VPS54: variants seen among roughly 807,000 people sequenced by gnomAD.
VPS54 encodes the protein vacuolar protein sorting-associated protein 54.
In VPS54, 45 loss-of-function variants were observed where a neutral mutation model predicts 121.5. The observed-to-expected ratio is 0.37, with a 90% confidence interval of 0.29 to 0.47. VPS54 has a LOEUF of 0.47. Ranked by LOEUF, VPS54 falls within the 20% of genes least tolerant of loss-of-function variation. The pLI, the probability that VPS54 is intolerant of heterozygous loss-of-function variation, is 0.99. For synonymous variants in VPS54, 371 were observed against 385.8 expected (o/e 0.96, Z 0.45); for missense variants, 1,090 against 1,131.4 (o/e 0.96, Z 0.52).
intron 11 of VPS54, among the ~76,000 whole-genome samples, chr2:63,938,537 TC>T (rs1674573561): frequency 6.6e-6 from 1 of 151,576 alleles, no homozygotes; most frequent in African/African-American, 2.4e-5. Context: ...CAATCTTGGC[TC>T]ACTGCAACCT....
chr2:63,908,725 T>C (rs760353383), intron 20 of VPS54, among the ~76,000 whole-genome samples: 133 of 152,212 alleles, frequency 8.7e-4, no homozygotes, highest in Non-Finnish European at 1.7e-3. Flanking sequence ...CAATATTTAC[T>C]AGAACTTGCT....
At chr2:63,966,041 C>G (rs1675979232) in intron 5 of VPS54, 75 bp from the exon 6 acceptor site, 2 of 1,425,500 alleles carry the variant, frequency 1.4e-6, no homozygotes, top group Non-Finnish European at 1.9e-6. Flanking sequence ...ACATCATGAT[C>G]ATTAAACAAA....
intron 11 of VPS54, among the ~76,000 whole-genome samples, chr2:63,934,527 T>C (rs1400026809): frequency 6.6e-6 from 1 of 152,186 alleles, no homozygotes; most frequent in Non-Finnish European, 1.5e-5. Context: ...TGCTGTTTCC[T>C]CTATCCGGAA....
At chr2:63,991,237 T>C (rs931034815) in intron 1 of VPS54, among the ~76,000 whole-genome samples, 13 of 152,226 alleles carry the variant, frequency 8.5e-5, no homozygotes, top group African/African-American at 3.1e-4. Flanking sequence ...TGATGAATTA[T>C]ACCCTGATTT....
chr2:64,010,050 C>G (rs1361920661), intron 1 of VPS54, among the ~76,000 whole-genome samples: 1 of 152,056 alleles, frequency 6.6e-6, no homozygotes, highest in African/African-American at 2.4e-5. Flanking sequence ...CCATGTTGGC[C>G]AGACTGGTCT....
At chr2:64,007,324 A>C (rs1326674662) in intron 1 of VPS54, among the ~76,000 whole-genome samples, 3 of 152,168 alleles carry the variant, frequency 2.0e-5, no homozygotes, top group Non-Finnish European at 2.9e-5. Context: ...GAGTGACTGG[A>C]AATAATGGTT....
intron 4 of VPS54, among the ~76,000 whole-genome samples, chr2:63,971,826 A>G (rs1467241559): frequency 6.6e-6 from 1 of 152,248 alleles, no homozygotes; most frequent in East Asian, 1.9e-4. Context: ...TACTGTTCTC[A>G]AACTCATAGG....
chr2:63,940,576 T>C (rs185401971), intron 11 of VPS54, among the ~76,000 whole-genome samples: 99 of 152,304 alleles, frequency 6.5e-4, no homozygotes, highest in African/African-American at 2.1e-3. Context: ...GGTTTTTGAA[T>C]AACACTGTTT....
intron 20 of VPS54, among the ~76,000 whole-genome samples, chr2:63,901,174 C>A (rs1672665823): frequency 6.6e-6 from 1 of 152,124 alleles, no homozygotes; most frequent in Admixed American, 6.5e-5. Context: ...TAGAAAGCTG[C>A]AATAGAACAT....
Position 63,897,520 on chromosome 2 carries a change from A to G in VPS54, c.2804T>C (p.Ile935Thr). 2 of 1,600,428 alleles carry G rather than the reference A, an allele frequency of 1.2e-6. No homozygotes were observed. The highest frequency in any genetic ancestry group is 1.7e-6 in the Non-Finnish European group (2 of 1,173,610). The change falls in exon 22 of 23, where the codon ATA becomes ACA. Residue 935 changes from isoleucine to threonine, a missense_variant. Around this residue, in one of 2 missense-constraint regions of VPS54, gnomAD observed 289 missense variants for 374.4 expected, o/e 0.77. Transcript: ENST00000272322. ...CCCATTTTGAGGTCCTCCATCATTTATCACATTTAAGTGAGATAACTGCTT... is the reference window on the plus strand; with the variant it reads ...CCCATTTTGAGGTCCTCCATCATTTGTCACATTTAAGTGAGATAACTGCTT... ...LKKQLSHLNV[I>T]NDGGPQNGLV...
intron 13 of VPS54, among the ~76,000 whole-genome samples, chr2:63,920,976 A>G (rs1000403305): frequency 1.3e-5 from 2 of 152,210 alleles, no homozygotes; most frequent in Non-Finnish European, 2.9e-5. Context: ...CATATATTTC[A>G]AAATGTCATT....
intron 2 of VPS54, among the ~76,000 whole-genome samples, chr2:63,982,934 A>C (rs1314920155): frequency 6.6e-6 from 1 of 152,210 alleles, no homozygotes; most frequent in Non-Finnish European, 1.5e-5. Flanking sequence ...AAATTACCAC[A>C]AATGTGCCGC....
Position 63,892,345 on chromosome 2 carries a change from G to A in VPS54, c.*1085C>T, listed in dbSNP as rs1672255527. 1 of 152,148 alleles carries A rather than the reference G, an allele frequency of 6.6e-6. No homozygotes were observed. The highest frequency in any genetic ancestry group is 1.5e-5 in the Non-Finnish European group (1 of 68,028). 9.4% of individuals were successfully genotyped at this position (152,148 alleles called of 1,614,324 possible). ...GGCAAGATTCTTGGTGTGAGGTGAAGCACAGGCACTTTATTTGTACAGTGC... is the reference window on the plus strand; with the variant it reads ...GGCAAGATTCTTGGTGTGAGGTGAAACACAGGCACTTTATTTGTACAGTGC... On this transcript the variant is annotated 3_prime_UTR_variant, in exon 23 of 23. Coordinates refer to ENST00000272322, the MANE Select transcript of VPS54 (RefSeq NM_016516.3).
At chr2:63,960,561 G>T (rs763122215) in intron 7 of VPS54, among the ~76,000 whole-genome samples, 1 of 152,100 alleles carries the variant, frequency 6.6e-6, no homozygotes, top group African/African-American at 2.4e-5. Context: ...TTGCCAAGGC[G>T]GCATTCAATC....
intron 7 of VPS54, among the ~76,000 whole-genome samples, chr2:63,958,218 A>C (rs973240694): frequency 3.3e-5 from 5 of 152,198 alleles, no homozygotes; most frequent in African/African-American, 1.2e-4. Flanking sequence ...GGAGACTGTA[A>C]AATTTCATTA....
At chr2:63,926,605 A>T (rs1341655148) in intron 12 of VPS54, among the ~76,000 whole-genome samples, 2 of 152,166 alleles carry the variant, frequency 1.3e-5, no homozygotes, top group Non-Finnish European at 2.9e-5. Flanking sequence ...TTTCCAACTG[A>T]GGTACCTGGT....
chr2:63,965,447 G>C (rs1675950023), intron 6 of VPS54, among the ~76,000 whole-genome samples: 1 of 152,166 alleles, frequency 6.6e-6, no homozygotes, highest in Non-Finnish European at 1.5e-5. Flanking sequence ...CTGCACTCCA[G>C]CCTGGGCAAC....
At chr2:63,947,269 T>C in intron 9 of VPS54, 114 bp downstream of exon 9, 1 of 1,023,046 alleles carries the variant, frequency 9.8e-7, no homozygotes, top group Non-Finnish European at 1.3e-6. Context: ...TTTCAGTTTT[T>C]ACATAAATGA....
intron 1 of VPS54, among the ~76,000 whole-genome samples, chr2:63,999,682 C>T (rs188040770): frequency 6.7e-4 from 102 of 152,128 alleles, no homozygotes; most frequent in Non-Finnish European, 1.2e-3. Context: ...AACTTTTTAC[C>T]CCTATCTCTT....
Sources: allele counts gnomAD v4.1 joint callset (sites outside exome capture counted in the v4.1 genomes callset), GRCh38; gene constraint gnomAD v4.1.1; regional missense constraint gnomAD v4.1.1; transcripts MANE v1.5; gene names NCBI Gene and HGNC (gene_info 2026-07-23, HGNC 2026-07-21).